Variants in INSR observed in about 807,000 individuals in gnomAD.
The protein encoded by INSR is insulin receptor.
Under a neutral mutation model 142.6 loss-of-function variants are expected in INSR, and 67 were observed. That is an observed-to-expected ratio of 0.47 (90% CI 0.39 to 0.58). INSR has a LOEUF of 0.58. Among genes scored for constraint, INSR ranks in the 20% least tolerant of loss-of-function variants. The pLI, the probability that INSR is intolerant of heterozygous loss-of-function variation, is 0.00. For missense variants in INSR, 1,248 were observed against 1,833.2 expected (o/e 0.68, Z 5.83); for synonymous variants, 756 against 743.1 (o/e 1.02, Z -0.28).
At chr19:7,253,426 C>CG (rs1976796066) in intron 2 of INSR, among the ~76,000 whole-genome samples, 1 of 151,432 alleles carries the variant, frequency 6.6e-6, no homozygotes, top group South Asian at 2.1e-4. Context: ...TTAGTAGAGA[C>CG]GGGGTTTCAC....
Position 7,173,916 on chromosome 19 carries a change from C to G in INSR, c.1123+667G>C, listed in dbSNP as rs142254332. ...GGATTACAGGCATGAGCCACTGCACCCGGCCCTGAGATTTATTTCTGAAAA... is the reference window on the plus strand; with the variant it reads ...GGATTACAGGCATGAGCCACTGCACGCGGCCCTGAGATTTATTTCTGAAAA... On this transcript the variant is annotated intron_variant, in intron 4 of 21. Transcript: ENST00000302850. Among the ~76,000 whole-genome samples, 651 of 152,116 alleles carry G rather than the reference C, an allele frequency of 4.3e-3. 10 individuals are homozygous for G. The highest frequency in any genetic ancestry group is 0.015 in the African/African-American group (626 of 41,514).
In INSR at chr19:7,117,328, C is replaced by T. The variant is rs959800826; in HGVS notation, c.3877G>A (p.Asp1293Asn). 2.1e-5 allele frequency: 34 copies of T among 1,614,024 alleles called. No individual in the cohort carries two copies. The highest frequency in any genetic ancestry group is 1.9e-5 in the Non-Finnish European group (22 of 1,180,036). ...FLEIVNLLKDDLHPSFPEVSF... is the reference protein window; with the variant it reads ...FLEIVNLLKDNLHPSFPEVSF... ...ACCTCTGGAAAGCTGGGGTGCAGGTCGTCCTTGAGCAGGTTGACAATCTCC... is the reference window on the plus strand; with the variant it reads ...ACCTCTGGAAAGCTGGGGTGCAGGTTGTCCTTGAGCAGGTTGACAATCTCC... The change falls in exon 22 of 22, where the codon GAC becomes AAC. Residue 1293 changes from aspartate to asparagine, a missense_variant. Physicochemically the swap from Asp to Asn is conservative, Grantham distance 23. Coordinates refer to ENST00000302850, the MANE Select transcript of INSR (RefSeq NM_000208.4).
At chr19:7,135,090 T>TAAAAAA (rs5826960) in intron 13 of INSR, among the ~76,000 whole-genome samples, 4 of 78,448 alleles carry the variant, frequency 5.1e-5, no homozygotes, top group Admixed American at 1.9e-4. Context: ...AAAGAAATGT[T>TAAAAAA]AAAAAAAAAA....
intron 2 of INSR, among the ~76,000 whole-genome samples, chr19:7,187,721 C>A (rs1055960353): frequency 6.6e-6 from 1 of 151,638 alleles, no homozygotes; most frequent in South Asian, 2.1e-4. Context: ...AATGGACATG[C>A]GCCACCACGC....
chr19:7,284,370 C>T (rs888158325), intron 1 of INSR, among the ~76,000 whole-genome samples: 2 of 152,050 alleles, frequency 1.3e-5, no homozygotes, highest in East Asian at 3.9e-4. Flanking sequence ...CGCCACGCTG[C>T]CTTTTCTCCA....
At chr19:7,253,864 A>G (rs1389553515) in intron 2 of INSR, among the ~76,000 whole-genome samples, 1 of 151,766 alleles carries the variant, frequency 6.6e-6, no homozygotes, top group Non-Finnish European at 1.5e-5. Context: ...CCCCGTCTTC[A>G]CTAAAAAATA....
chr19:7,160,065 G>A (rs1437312177), intron 9 of INSR, among the ~76,000 whole-genome samples: 1 of 152,166 alleles, frequency 6.6e-6, no homozygotes, highest in East Asian at 1.9e-4. Flanking sequence ...TTGGGAGGCT[G>A]AGGCAGGAGG....
At chr19:7,182,946 G>C (rs1010712429) in intron 3 of INSR, among the ~76,000 whole-genome samples, 1 of 149,768 alleles carries the variant, frequency 6.7e-6, no homozygotes, top group African/African-American at 2.4e-5. Context: ...AAGTCTGTCT[G>C]GTATGAAAAG....
At chr19:7,152,378 C>CA (rs375635473) in intron 10 of INSR, 227 of 299,430 alleles carry the variant, frequency 7.6e-4, no homozygotes, top group Non-Finnish European at 1.0e-3. Context: ...GAGACTCTGT[C>CA]AAAAAAAAAA....
intron 2 of INSR, among the ~76,000 whole-genome samples, chr19:7,224,110 A>AT (rs1347862421): frequency 6.6e-6 from 1 of 151,642 alleles, no homozygotes; most frequent in East Asian, 1.9e-4. Context: ...CACCCAGCTA[A>AT]TTTTTGTATT....
chr19:7,197,524 T>G lies in INSR; in HGVS notation c.653-12887A>C, dbSNP rs1165588865. Among the ~76,000 whole-genome samples, 1,323 of 141,288 alleles carry G rather than the reference T, an allele frequency of 9.4e-3. 75 individuals carry two copies. Among genetic ancestry groups the G allele is most frequent in the African/African-American group, 0.035 (1,253 of 36,066 alleles). 92.7% of individuals were successfully genotyped at this position (141,288 alleles called of 152,430 possible). On this transcript the variant is annotated intron_variant, in intron 2 of 21. Coordinates refer to ENST00000302850, the MANE Select transcript of INSR (RefSeq NM_000208.4). Reference sequence around the variant, plus strand: ...TCCAGAGTGGGAGTGGGGGTGTGTGTGTGTGTGTGTGTGTGTGTGTGTCAG... The same window carrying G: ...TCCAGAGTGGGAGTGGGGGTGTGTGGGTGTGTGTGTGTGTGTGTGTGTCAG...
chr19:7,248,853 G>A (rs1600089800), intron 2 of INSR, among the ~76,000 whole-genome samples: 1 of 144,708 alleles, frequency 6.9e-6, no homozygotes, highest in African/African-American at 2.6e-5. Flanking sequence ...TGCCTCCCAG[G>A]TTCAAGCGAT....
chr19:7,136,454 A>G (rs558559880), intron 13 of INSR, among the ~76,000 whole-genome samples: 1 of 152,188 alleles, frequency 6.6e-6, no homozygotes, highest in Admixed American at 6.6e-5. Flanking sequence ...GTCCTGGCTA[A>G]ACCTAGACAA....
At chr19:7,244,516 G>A (rs1296793252) in intron 2 of INSR, among the ~76,000 whole-genome samples, 2 of 144,600 alleles carry the variant, frequency 1.4e-5, no homozygotes, top group African/African-American at 5.2e-5. Context: ...CTGGGTGACA[G>A]GGCGAGACTC....
At chr19:7,224,805 A>T (rs1334618109) in intron 2 of INSR, among the ~76,000 whole-genome samples, 2 of 152,076 alleles carry the variant, frequency 1.3e-5, no homozygotes, top group African/African-American at 4.8e-5. Context: ...GAGATAATCC[A>T]GGGCCCTTTT....
intron 2 of INSR, among the ~76,000 whole-genome samples, chr19:7,236,792 C>T (rs28763275): frequency 0.46 from 69,883 of 151,770 alleles, 16,800 homozygotes; most frequent in African/African-American, 0.55. Context: ...TTTGGGAGGC[C>T]GAGGCGGGCG....
At position 7,241,452 on chromosome 19, in the gene INSR, G is replaced by A. The variant is rs558136569; in HGVS notation, c.652+25893C>T. Among the ~76,000 whole-genome samples, 7 of 152,010 alleles carry A rather than the reference G, an allele frequency of 4.6e-5. No homozygotes were observed. In the South Asian group the frequency reaches 8.3e-4, roughly 18 times the overall value. On this transcript the variant is annotated intron_variant, in intron 2 of 21. Transcript: ENST00000302850. Reference sequence around the variant, plus strand: ...CAGCCTGCCAACATGGTGAAACCCCGTCTCTACAAAAATACAAAACTTTGC... The same window carrying A: ...CAGCCTGCCAACATGGTGAAACCCCATCTCTACAAAAATACAAAACTTTGC...
At chr19:7,234,136 C>A (rs955333767) in intron 2 of INSR, among the ~76,000 whole-genome samples, 2 of 151,966 alleles carry the variant, frequency 1.3e-5, no homozygotes, top group African/African-American at 4.8e-5. Context: ...AAACTCCTGA[C>A]CTCAAGTGAT....
Position 7,120,720 on chromosome 19 carries a change from T to C in INSR, c.3559A>G (p.Thr1187Ala). ...DFGMTRDIYE[T>A]DYYRKGGKGL... ...TTGCCCCCTTTCCGGTAGTAATCCG[T>C]TTCATAGATGTCTCTGGTCATTCCA... The change falls in exon 20 of 22, where the codon ACG (threonine) becomes GCG (alanine). Residue 1187 changes from threonine to alanine, a missense_variant. Transcript: ENST00000302850. 4 of 1,614,046 alleles carry C rather than the reference T, an allele frequency of 2.5e-6. No homozygotes were observed. The highest frequency in any genetic ancestry group is 3.4e-6 in the Non-Finnish European group (4 of 1,179,952).
Sources: gnomAD v4.1 joint callset for allele counts (sites outside exome capture counted in the v4.1 genomes callset) on GRCh38, gnomAD v4.1.1 for gene constraint, MANE v1.5 for transcripts, NCBI Gene and HGNC (gene_info 2026-07-23, HGNC 2026-07-21) for gene names.